Variants in LPP observed in about 807,000 individuals in gnomAD.
LPP encodes LIM domain containing preferred translocation partner in lipoma.
LPP carries 38 observed loss-of-function variants against 60.4 expected under a neutral mutation model. That is an observed-to-expected ratio of 0.63 (90% CI 0.49 to 0.83). The LOEUF is 0.83. LPP is among the 40% of genes least tolerant of loss of function. The pLI is 0.00. For missense variants in LPP, 902 were observed against 783.6 expected (o/e 1.15, Z -1.80); for synonymous variants, 328 against 290.8 (o/e 1.13, Z -1.30).
At chr3:188,595,573 T>C (rs925142506) in intron 6 of LPP, among the ~76,000 whole-genome samples, 1 of 152,190 alleles carries the variant, frequency 6.6e-6, no homozygotes, top group Non-Finnish European at 1.5e-5. Flanking sequence ...TAATAGTGTG[T>C]AGAAAAGAGA....
At chr3:188,785,582 A>G (rs973166097) in intron 9 of LPP, among the ~76,000 whole-genome samples, 2 of 146,176 alleles carry the variant, frequency 1.4e-5, no homozygotes, top group Admixed American at 7.0e-5. Context: ...ACATACCCAC[A>G]CATCCCAGTT....
intron 7 of LPP, among the ~76,000 whole-genome samples, chr3:188,636,815 C>A (rs918672805): frequency 6.6e-6 from 1 of 151,562 alleles, no homozygotes; most frequent in Admixed American, 6.6e-5. Flanking sequence ...CCTCACACGG[C>A]AGGGTATTCC....
intron 4 of LPP, among the ~76,000 whole-genome samples, chr3:188,416,596 A>T (rs954994082): frequency 6.6e-6 from 1 of 152,124 alleles, no homozygotes; most frequent in African/African-American, 2.4e-5. Context: ...AAGTCTTGAG[A>T]GTCTTTATCT....
chr3:188,785,794 TAGGA>T (rs1489042450), intron 9 of LPP, among the ~76,000 whole-genome samples: 1 of 151,980 alleles, frequency 6.6e-6, no homozygotes, highest in Non-Finnish European at 1.5e-5. Context: ...ATTGTTTCCA[TAGGA>T]CCAGCCTGCT....
At chr3:188,250,784 T>TTCTTTCTTTCTTTCTTTCTTTCTTTCTG (rs1553835749) in intron 2 of LPP, among the ~76,000 whole-genome samples, 2 of 116,850 alleles carry the variant, frequency 1.7e-5, no homozygotes, top group Non-Finnish European at 3.5e-5. Flanking sequence ...CTTTCTTTCT[T>TTCTTTCTTTCTTTCTTTCTTTCTTTCTG]TCTGTCTTTC....
At chr3:188,638,632 A>C (rs1387688605) in intron 7 of LPP, among the ~76,000 whole-genome samples, 31 of 149,214 alleles carry the variant, frequency 2.1e-4, no homozygotes, top group Admixed American at 6.6e-4. Flanking sequence ...CCTCAGCCCA[A>C]AATCTCCTTC....
At chr3:188,696,419 G>T (rs1231140919) in intron 7 of LPP, among the ~76,000 whole-genome samples, 3 of 152,204 alleles carry the variant, frequency 2.0e-5, no homozygotes, top group Middle Eastern at 3.4e-3. Context: ...GATCACTTGA[G>T]GTCAGGAGTT....
At chr3:188,262,866 C>G (rs1734168963) in intron 2 of LPP, among the ~76,000 whole-genome samples, 3 of 152,042 alleles carry the variant, frequency 2.0e-5, no homozygotes, top group African/African-American at 7.2e-5. Context: ...TGCTCGAACC[C>G]AGGTCTCCTG....
At chr3:188,753,700 G>A (rs375306474) in intron 8 of LPP, among the ~76,000 whole-genome samples, 47 of 151,676 alleles carry the variant, frequency 3.1e-4, no homozygotes, top group East Asian at 5.8e-4. Context: ...GACTGTCTCC[G>A]AAACTGTTTT....
intron 9 of LPP, among the ~76,000 whole-genome samples, chr3:188,850,610 A>G (rs1762469948): frequency 6.6e-6 from 1 of 152,176 alleles, no homozygotes; most frequent in Non-Finnish European, 1.5e-5. Flanking sequence ...TTACTTTGAT[A>G]GCTGTTTATA....
intron 6 of LPP, among the ~76,000 whole-genome samples, chr3:188,549,998 T>C (rs1306100260): frequency 1.3e-5 from 2 of 152,158 alleles, no homozygotes; most frequent in African/African-American, 4.8e-5. Context: ...CACCAGCAAT[T>C]TGCACACTTG....
intron 7 of LPP, among the ~76,000 whole-genome samples, chr3:188,652,432 T>C (rs1352830049): frequency 6.6e-6 from 1 of 152,162 alleles, no homozygotes; most frequent in Admixed American, 6.5e-5. Flanking sequence ...ATCACATGGT[T>C]TTCTCCTTCT....
intron 2 of LPP, among the ~76,000 whole-genome samples, chr3:188,338,295 A>G (rs891037130): frequency 2.0e-5 from 3 of 152,206 alleles, no homozygotes; most frequent in Non-Finnish European, 4.4e-5. Context: ...TTTAAATTGT[A>G]TGTGGTATTT....
chr3:188,350,777 C>T (rs1458963915), intron 3 of LPP, among the ~76,000 whole-genome samples: 2 of 152,156 alleles, frequency 1.3e-5, no homozygotes, highest in African/African-American at 4.8e-5. Flanking sequence ...CATTATTATT[C>T]TAGTTTTTAA....
At chr3:188,177,288 G>A (rs1723333995) in intron 1 of LPP, among the ~76,000 whole-genome samples, 1 of 152,186 alleles carries the variant, frequency 6.6e-6, no homozygotes, top group Non-Finnish European at 1.5e-5. Context: ...ACCCAGGCCT[G>A]GGAAGGAGGG....
At chr3:188,804,527 G>A (rs190945488) in intron 9 of LPP, among the ~76,000 whole-genome samples, 8 of 151,378 alleles carry the variant, frequency 5.3e-5, no homozygotes, top group South Asian at 2.1e-4. Flanking sequence ...CTCACTCTTC[G>A]GTTTATGGGT....
intron 5 of LPP, among the ~76,000 whole-genome samples, chr3:188,486,248 T>A (rs1002102607): frequency 6.6e-6 from 1 of 152,048 alleles, no homozygotes; most frequent in Non-Finnish European, 1.5e-5. Context: ...AAATTTGAGG[T>A]TGAAGGAGAC....
intron 7 of LPP, among the ~76,000 whole-genome samples, chr3:188,700,637 A>ATCAAGAT (rs1400792924): frequency 2.0e-5 from 3 of 152,188 alleles, no homozygotes; most frequent in African/African-American, 7.2e-5. Flanking sequence ...GTGTAGTGAA[A>ATCAAGAT]GTTCAGTAGG....
chr3:188,825,269 C>CTCTGTGTGTGTGTGTGTG (rs1463318065), intron 9 of LPP, among the ~76,000 whole-genome samples: 12 of 101,756 alleles, frequency 1.2e-4, no homozygotes, highest in South Asian at 4.4e-4. Flanking sequence ...CTCTCTCTCT[C>CTCTGTGTGTGTGTGTGTG]TGTGTGTGTG....
Sources: gnomAD v4.1 joint callset for allele counts (sites outside exome capture counted in the v4.1 genomes callset) on GRCh38, gnomAD v4.1.1 for gene constraint, MANE v1.5 for transcripts, NCBI Gene and HGNC (gene_info 2026-07-23, HGNC 2026-07-21) for gene names.